The following MAPK14 variants were observed in gnomAD, a reference collection of about 807,000 sequenced individuals.
The protein encoded by MAPK14 is mitogen-activated protein kinase 14.
Under a neutral mutation model 49.6 loss-of-function variants are expected in MAPK14, and 16 were observed. The observed-to-expected ratio is 0.32, with a 90% CI of 0.22 to 0.49. The LOEUF is 0.49. Among genes scored for constraint, MAPK14 ranks in the 20% least tolerant of loss-of-function variants. The pLI, the probability that MAPK14 is intolerant of heterozygous loss-of-function variation, is 0.99. For synonymous variants in MAPK14, 142 were observed against 158.0 expected, an observed-to-expected ratio of 0.90 and a Z score of 0.76; for missense variants, 200 against 441.2, an observed-to-expected ratio of 0.45 and a Z score of 4.90.
chr6:36,106,582 T>G (rs1032319909), intron 10 of MAPK14, among the ~76,000 whole-genome samples: 2 of 152,210 alleles, frequency 1.3e-5, no homozygotes, highest in Non-Finnish European at 2.9e-5. Flanking sequence ...TAGGAAGATG[T>G]CTTCGTGTTG....
At chr6:36,072,179 T>C (rs1764326430) in intron 3 of MAPK14, among the ~76,000 whole-genome samples, 1 of 151,704 alleles carries the variant, frequency 6.6e-6, no homozygotes, top group South Asian at 2.1e-4. Context: ...TACAGGAAAA[T>C]TTAAAAAAAT....
Position 36,034,898 on chromosome 6 carries a change from T to G in MAPK14, c.116+6625T>G, listed in dbSNP as rs1762678875. Among the ~76,000 whole-genome samples, 3 of 67,820 alleles carry G rather than the reference T, an allele frequency of 4.4e-5. No individual in the cohort carries two copies. The South Asian group carries it at 1.2e-3, about 26-fold the overall frequency. 44.5% of individuals were successfully genotyped at this position (67,820 alleles called of 152,430 possible). ...AATTCTCGCAATATTTCTTTCTTTC[T>G]TTTTTTTTTTTTTTTTTTGAGACGG... On this transcript the variant is annotated intron_variant, in intron 1 of 11. Transcript: ENST00000229794.
intron 1 of MAPK14, among the ~76,000 whole-genome samples, chr6:36,039,115 G>T (rs1267225243): frequency 6.6e-6 from 1 of 152,060 alleles, no homozygotes; most frequent in African/African-American, 2.4e-5. Context: ...CATATAGATT[G>T]AAAGATTATC....
chr6:36,082,409 A>G (rs1467753023), intron 8 of MAPK14, among the ~76,000 whole-genome samples: 2 of 152,218 alleles, frequency 1.3e-5, no homozygotes, highest in Non-Finnish European at 2.9e-5. Context: ...CTTCTTTGGT[A>G]GTCCATTTCA....
chr6:36,101,110 A>G (rs1158426160), intron 9 of MAPK14, among the ~76,000 whole-genome samples: 3 of 152,186 alleles, frequency 2.0e-5, no homozygotes, highest in African/African-American at 7.2e-5. Flanking sequence ...TTGCTTTTCA[A>G]AGCAGACCTT....
intron 8 of MAPK14, among the ~76,000 whole-genome samples, chr6:36,078,211 G>A (rs1268383179): frequency 6.6e-6 from 1 of 152,030 alleles, no homozygotes; most frequent in African/African-American, 2.4e-5. Flanking sequence ...TTCCTTAACC[G>A]TAAAATGATA....
chr6:36,056,874 A>G (rs1440539181), intron 2 of MAPK14, among the ~76,000 whole-genome samples: 2 of 152,234 alleles, frequency 1.3e-5, no homozygotes, highest in African/African-American at 2.4e-5. Context: ...AAGTGGGTAT[A>G]AGGGAGAGTG....
intron 8 of MAPK14, among the ~76,000 whole-genome samples, chr6:36,093,734 A>C (rs995038943): frequency 1.9e-4 from 29 of 151,826 alleles, no homozygotes; most frequent in Non-Finnish European, 3.7e-4. Context: ...AAAAAAAAAA[A>C]AAAAAAAAAC....
chr6:36,121,884 C>T, the MAPK14 span, among the ~76,000 whole-genome samples: 1 of 152,216 alleles, frequency 6.6e-6, no homozygotes, highest in African/African-American at 2.4e-5. Context: ...CATTGTTATA[C>T]ATAAAATGGG....
Position 36,084,430 on chromosome 6 carries a change from G to A in MAPK14, c.682+7822G>A, listed in dbSNP as rs952021813. ...CTAAAGGAGCATGTTCTAACCCAAT[G>A]CAAAGAATCTAAGAACCATGATAAA... On this transcript the variant is annotated intron_variant, in intron 8 of 11. Transcript: ENST00000229794. Among the ~76,000 whole-genome samples the A allele has an allele frequency of 3.0e-4, 46 of 152,136 alleles. 1 individual carries two copies. Among genetic ancestry groups the A allele is most frequent in the Admixed American group, 3.0e-3 (46 of 15,280 alleles).
intron 1 of MAPK14, among the ~76,000 whole-genome samples, chr6:36,031,566 G>A (rs1762544685): frequency 6.6e-6 from 1 of 151,236 alleles, no homozygotes; most frequent in Non-Finnish European, 1.5e-5. Flanking sequence ...CACCATGCCC[G>A]GATGATTTTT....
At chr6:36,062,658 T>C (rs1763869009) in intron 3 of MAPK14, among the ~76,000 whole-genome samples, 1 of 118,858 alleles carries the variant, frequency 8.4e-6, no homozygotes, top group Non-Finnish European at 2.1e-5. Context: ...TTTCTTTTTC[T>C]TTTCTTTTTT....
At chr6:36,099,506 T>G (rs1326211118) in intron 9 of MAPK14, among the ~76,000 whole-genome samples, 1 of 152,234 alleles carries the variant, frequency 6.6e-6, no homozygotes, top group Non-Finnish European at 1.5e-5. Flanking sequence ...AAGAGACTTG[T>G]GGAGGAAATC....
chr6:36,073,371 A>G (rs948089756), intron 4 of MAPK14, among the ~76,000 whole-genome samples: 1 of 152,232 alleles, frequency 6.6e-6, no homozygotes, highest in Non-Finnish European at 1.5e-5. Flanking sequence ...TCCTCAAGAA[A>G]GACTAATTTA....
At chr6:36,113,168 T>C (rs1241069918), downstream of MAPK14, among the ~76,000 whole-genome samples, 1 of 152,030 alleles carries the variant, frequency 6.6e-6, no homozygotes, top group Non-Finnish European at 1.5e-5. Context: ...CTGAGCAACA[T>C]AGCTGGGGAC....
In MAPK14 at chr6:36,100,164, A is replaced by C. The variant is rs201391384; in HGVS notation, c.763-2407A>C. On this transcript the variant is annotated intron_variant, in intron 9 of 11. Coordinates refer to ENST00000229794, the MANE Select transcript of MAPK14 (RefSeq NM_139012.3). ...TTATTTTTTGCACTGTATGTTTAAC[A>C]ATGCCCTTGACTAGGCATCTAAGAT... 3.9e-5 allele frequency: 59 copies of C among 1,514,012 alleles called. No homozygotes were observed. In the African/African-American group the frequency reaches 7.3e-4, roughly 19 times the overall value. The allele number at this position is 1,514,012 out of a possible 1,614,324, so 93.8% of individuals were successfully genotyped here.
downstream of MAPK14, among the ~76,000 whole-genome samples, chr6:36,114,860 T>C (rs1766033071): frequency 6.6e-6 from 1 of 152,230 alleles, no homozygotes; most frequent in African/African-American, 2.4e-5. Context: ...CAAGATTTTC[T>C]TAGACCAGTA....
rs1764408184 is a variant in MAPK14 at position 36,073,814 on chromosome 6, A to G, written c.447+94A>G. On this transcript the variant is annotated intron_variant, in intron 5 of 11. Transcript: ENST00000229794. ...CAAGATCCTAATCTAAACTTTAGCC[A>G]TTGAAATGTTGATTGATTGCAACTT... The G allele has an allele frequency of 2.3e-6, 3 of 1,319,536 alleles. No homozygotes were observed. The South Asian group carries it at 3.8e-5, about 17-fold the overall frequency. The allele number at this position is 1,319,536 out of a possible 1,614,324, so 81.7% of individuals were successfully genotyped here.
chr6:36,038,653 A>G (rs1762841298), intron 1 of MAPK14, among the ~76,000 whole-genome samples: 1 of 152,174 alleles, frequency 6.6e-6, no homozygotes, highest in Non-Finnish European at 1.5e-5. Flanking sequence ...GCCCTGACCC[A>G]TGCTCACAAC....
Sources: allele counts gnomAD v4.1 joint callset (sites outside exome capture counted in the v4.1 genomes callset), GRCh38; gene constraint gnomAD v4.1.1; transcripts MANE v1.5; gene names NCBI Gene and HGNC (gene_info 2026-07-23, HGNC 2026-07-21).